Variants in HMCN2 observed in about 807,000 individuals in gnomAD.
The protein encoded by HMCN2 is hemicentin 2.
A neutral mutation model predicts 377.5 loss-of-function variants in HMCN2; 325 were observed. The observed-to-expected ratio is 0.86, with a 90% CI of 0.79 to 0.94. HMCN2 has a LOEUF of 0.94. HMCN2 is among the 40% of genes least tolerant of loss of function. The pLI is 0.00. For synonymous variants in HMCN2, 2,007 were observed against 2,046.8 expected, an observed-to-expected ratio of 0.98 and a Z score of 0.53; for missense variants, 4,543 against 4,725.3, an observed-to-expected ratio of 0.96 and a Z score of 1.13.
chr9:130,384,194 C>G (rs1466928258), intron 57 of HMCN2, among the ~76,000 whole-genome samples, 179 bp from the exon 58 acceptor site: 2 of 152,216 alleles, frequency 1.3e-5, no homozygotes, highest in Admixed American at 6.5e-5. Context: ...TCTCTGATCC[C>G]CTACCCAGTG....
At chr9:130,286,644 A>G (rs1373246703) in intron 4 of HMCN2, among the ~76,000 whole-genome samples, 1 of 152,202 alleles carries the variant, frequency 6.6e-6, no homozygotes, top group Non-Finnish European at 1.5e-5. Context: ...CCAGGCTGAC[A>G]AGGTGGCCCC....
chr9:130,426,978 G>T (rs759293123), intron 90 of HMCN2, among the ~76,000 whole-genome samples: 1 of 152,020 alleles, frequency 6.6e-6, no homozygotes, highest in Non-Finnish European at 1.5e-5. Flanking sequence ...CTGCCCCTCC[G>T]CACGGTCTCT....
At position 130,398,595 on chromosome 9, in the gene HMCN2, G is replaced by A. The variant is rs574020746; in HGVS notation, c.11371G>A (p.Ala3791Thr). 66 of 1,277,458 alleles carry A rather than the reference G, an allele frequency of 5.2e-5. 1 individual carries two copies. The South Asian group carries it at 7.6e-4, about 15-fold the overall frequency. 79.1% of individuals were successfully genotyped at this position (1,277,458 alleles called of 1,614,324 possible). The stretch of plus-strand genomic sequence containing the variant: ...CAGCCCCTCCAACCTGACCCTGACC[G>A]CCCACACCCCAGCCTTGCTGCCCTG... ...APSPSNLTLT[A>T]HTPALLPCEA... is the part of the protein sequence containing the mutation. The change falls in exon 75 of 98, where the codon GCC (alanine) becomes ACC (threonine). Residue 3791 changes from alanine (A) to threonine (T), a missense_variant. Physicochemically the swap from Ala to Thr is moderately conservative, Grantham distance 58. This residue lies in a region of HMCN2 where 1,073 missense variants were observed against 1,319.5 expected (regional missense o/e 0.81). Coordinates refer to ENST00000683500, the MANE Select transcript of HMCN2 (RefSeq NM_001291815.2).
chr9:130,301,125 T>C (rs573277676), intron 8 of HMCN2, among the ~76,000 whole-genome samples: 2 of 152,280 alleles, frequency 1.3e-5, no homozygotes, highest in South Asian at 2.1e-4. Context: ...GTGCCCATGG[T>C]TGGTGGAGGA....
chr9:130,398,756 A>G, intron 75 of HMCN2, 49 bp downstream of exon 75: 1 of 1,237,920 alleles, frequency 8.1e-7, no homozygotes, highest in Non-Finnish European at 1.1e-6. Flanking sequence ...CAGGGCGGGG[A>G]GGCACTCTCT....
intron 49 of HMCN2, among the ~76,000 whole-genome samples, chr9:130,375,127 A>G (rs1477553819): frequency 1.3e-5 from 2 of 152,252 alleles, no homozygotes; most frequent in Non-Finnish European, 2.9e-5. Context: ...CTGTTTCTAA[A>G]ATGCTGGCAG....
intron 13 of HMCN2, 43 bp from the exon 14 acceptor site, chr9:130,307,410 C>A (rs2084696422): frequency 4.3e-6 from 2 of 469,972 alleles, no homozygotes; most frequent in Non-Finnish European, 8.8e-6. Flanking sequence ...TCTTTATGAC[C>A]TTTGAAGGTT....
At chr9:130,359,581 C>T (rs1016387980) in intron 37 of HMCN2, among the ~76,000 whole-genome samples, 167 bp downstream of exon 37, 3 of 152,222 alleles carry the variant, frequency 2.0e-5, no homozygotes, top group South Asian at 4.1e-4. Context: ...CAATGTCCTT[C>T]GGGCCAAGGC....
At position 130,360,594 on chromosome 9, in the gene HMCN2, A is replaced by C. The variant is rs1840325365; in HGVS notation, c.5940A>C (p.Leu1980=). The change falls in exon 38 of 98, where the codon CTA becomes CTC. Residue 1980 remains leucine (L), a synonymous_variant. Transcript: ENST00000683500. This position sits in a 1 kb window ranked among gnomAD's most constrained non-coding sequence, Gnocchi z 4.7. ...VAGSTELRYG[L]RVNVPPRITL... ...GTAGCACAGAGCTGCGGTATGGCCT[A>C]CGGGTCAATGGTGAGCTTCCCTGGG... The C allele has an allele frequency of 7.7e-7, 1 of 1,297,400 alleles. No individual in the cohort carries two copies. The highest frequency in any genetic ancestry group is 1.0e-6 in the Non-Finnish European group (1 of 984,836). The allele number at this position is 1,297,400 out of a possible 1,614,324, so 80.4% of individuals were successfully genotyped here. A position where few individuals can be genotyped will look rare whatever the true frequency, so the allele number is the denominator to read the frequency against.
At chr9:130,380,921 CCAAGTCCTGGGTG>C (rs1841680761) in intron 54 of HMCN2, among the ~76,000 whole-genome samples, 1 of 143,216 alleles carries the variant, frequency 7.0e-6, no homozygotes, top group Admixed American at 7.3e-5. Context: ...GATCCTGACC[CCAAGTCCTGGGTG>C]CACAGTAGGC....
chr9:130,266,267 C>T (rs1834093547), intron 1 of HMCN2, 130 bp downstream of exon 1: 7 of 356,910 alleles, frequency 2.0e-5, no homozygotes, highest in South Asian at 6.2e-5. Context: ...CGCGCCTTCT[C>T]GGCATATCCG....
chr9:130,428,509 C>T lies in HMCN2; in HGVS notation c.14197+20C>T, dbSNP rs554863097. 3.3e-5 allele frequency: 50 copies of T among 1,537,038 alleles called. No individual in the cohort carries two copies. Among genetic ancestry groups the T allele is most frequent in the Non-Finnish European group, 3.7e-5 (42 of 1,146,670 alleles). On this transcript the variant is annotated intron_variant, in intron 93 of 97. Coordinates refer to ENST00000683500, the MANE Select transcript of HMCN2 (RefSeq NM_001291815.2). The surrounding 1 kb of genome is among the most constrained non-coding windows in gnomAD (Gnocchi z 5.0). ...GTGAAGGTGATGGGGGCACAGCATG[C>T]GGCCTGTCCATACTCCTGGAAACCC...
At position 130,351,707 on chromosome 9, in the gene HMCN2, A is replaced by T; in HGVS notation, c.4585+130A>T. 1.3e-6 allele frequency: 1 copy of T among 753,404 alleles called. No homozygotes were observed. The highest frequency in any genetic ancestry group is 1.8e-6 in the Non-Finnish European group (1 of 548,798). The allele number at this position is 753,404 out of a possible 1,614,324, so 46.7% of individuals were successfully genotyped here. ...TGGTGAGTGATCCCTGAGTCCAAGA[A>T]AGCTGGGGGCTGGGGTCGGGGTTGG... On this transcript the variant is annotated intron_variant, in intron 30 of 97. Transcript: ENST00000683500. The surrounding 1 kb of genome is among the most constrained non-coding windows in gnomAD (Gnocchi z 5.4).
chr9:130,382,401 A>G, intron 55 of HMCN2, 104 bp downstream of exon 55: 1 of 406,814 alleles, frequency 2.5e-6, no homozygotes, highest in Non-Finnish European at 3.3e-6. Flanking sequence ...TGCTGTACTC[A>G]GAGGTTGAAA....
At chr9:130,397,888 A>G (rs1189391334) in intron 74 of HMCN2, among the ~76,000 whole-genome samples, 1 of 152,158 alleles carries the variant, frequency 6.6e-6, no homozygotes, top group Non-Finnish European at 1.5e-5. Flanking sequence ...AACCATGTAC[A>G]AAAGGTAAAA....
intron 7 of HMCN2, 44 bp downstream of exon 7, chr9:130,296,838 A>C: frequency 8.6e-6 from 4 of 464,768 alleles, no homozygotes; most frequent in Non-Finnish European, 1.3e-5. Flanking sequence ...CTGCCTCTGA[A>C]GACCTGGGGC....
chr9:130,360,336 T>G lies in HMCN2; in HGVS notation c.5774-92T>G. On this transcript the variant is annotated intron_variant, in intron 37 of 97. Transcript: ENST00000683500. The surrounding 1 kb of genome is among the most constrained non-coding windows in gnomAD (Gnocchi z 4.7). The stretch of plus-strand genomic sequence containing the variant: ...CTTGCATCTCTCTTCCTTTCCCCCT[T>G]GCATCTCTCTTCCTTTCCCCCTTAC... 1.6e-6 allele frequency: 1 copy of G among 638,860 alleles called. No individual in the cohort carries two copies. The highest frequency in any genetic ancestry group is 2.2e-6 in the Non-Finnish European group (1 of 462,510). 39.6% of individuals were successfully genotyped at this position (638,860 alleles called of 1,614,324 possible). A position where few individuals can be genotyped will look rare whatever the true frequency, so the allele number is the denominator to read the frequency against.
At chr9:130,278,569 A>ATTTTC (rs1440822990) in intron 1 of HMCN2, among the ~76,000 whole-genome samples, 9 of 151,518 alleles carry the variant, frequency 5.9e-5, no homozygotes, top group African/African-American at 9.7e-5. Flanking sequence ...ATGAGACCCT[A>ATTTTC]TTTTCTTTTC....
intron 52 of HMCN2, among the ~76,000 whole-genome samples, chr9:130,377,263 G>C (rs147436980): frequency 6.6e-6 from 1 of 151,994 alleles, no homozygotes; most frequent in Non-Finnish European, 1.5e-5. Flanking sequence ...ATAGGCGCCC[G>C]CCACCACGCC....
Sources: gnomAD v4.1 joint callset for allele counts (sites outside exome capture counted in the v4.1 genomes callset) on GRCh38, gnomAD v4.1.1 for gene constraint, gnomAD v4.1.1 regional missense constraint, Gnocchi (gnomAD v3.1) non-coding constraint, MANE v1.5 for transcripts, NCBI Gene and HGNC (gene_info 2026-07-23, HGNC 2026-07-21) for gene names.